The following MGAM2 variants were observed in gnomAD, a reference collection of about 807,000 sequenced individuals.
MGAM2 encodes the protein maltase-glucoamylase 2 (putative), also known as probable maltase-glucoamylase 2.
In MGAM2, 98 loss-of-function variants were observed where a neutral mutation model predicts 96.1. That is an observed-to-expected ratio of 1.02 (90% CI 0.87 to 1.21). The LOEUF is 1.21. Among genes scored for constraint, MGAM2 ranks in the 50% most tolerant of loss-of-function variants. The pLI is 0.00. For missense variants in MGAM2, 2,055 were observed against 1,182.4 expected (o/e 1.74, Z -10.82); for synonymous variants, 749 against 414.8 (o/e 1.81, Z -9.79).
chr7:142,145,002 A>C (rs1232071555), intron 14 of MGAM2, 57 bp downstream of exon 14: 5 of 696,240 alleles, frequency 7.2e-6, no homozygotes, highest in African/African-American at 7.0e-5. Flanking sequence ...AAACACCCTC[A>C]GTAATACTCA....
At position 142,114,133 on chromosome 7, in the gene MGAM2, AAAAAGAAAGAAAGAAAGAAG is replaced by A. The variant is rs1333161455; in HGVS notation, c.-1+2327_-1+2346del. Among the ~76,000 whole-genome samples, 30 of 131,450 alleles carry A rather than the reference AAAAAGAAAGAAAGAAAGAAG, an allele frequency of 2.3e-4. 1 individual carries two copies. Among genetic ancestry groups the A allele is most frequent in the Admixed American group, 1.1e-3 (13 of 12,222 alleles). 86.2% of individuals were successfully genotyped at this position (131,450 alleles called of 152,430 possible). ...GCAACAGAGCGAGACTCCATCTCAA[AAAAAGAAAGAAAGAAAGAAG>A]GAAAGAAAGAAAGAAAGAAAGAAAG... On this transcript the variant is annotated intron_variant, in intron 1 of 47. Coordinates refer to ENST00000477922, the MANE Select transcript of MGAM2 (RefSeq NM_001293626.2).
At chr7:142,156,978 G>A (rs1445165683) in intron 17 of MGAM2, among the ~76,000 whole-genome samples, 1 of 151,916 alleles carries the variant, frequency 6.6e-6, no homozygotes, top group East Asian at 1.9e-4. Flanking sequence ...TTTTACTCTT[G>A]GATAAAATCT....
rs751343462 is a variant in MGAM2 at position 142,196,662 on chromosome 7, A to G, written c.4516-38A>G. The G allele has an allele frequency of 3.9e-6, 3 of 764,132 alleles. No individual in the cohort carries two copies. In the African/African-American group the frequency reaches 5.1e-5, roughly 13 times the overall value. 47.3% of individuals were successfully genotyped at this position (764,132 alleles called of 1,614,324 possible). ...GATTTTAGTGAGTCAGCGCCTCATGAAATTCCCACCTCATGCTCTCATTAT... is the reference window on the plus strand; with the variant it reads ...GATTTTAGTGAGTCAGCGCCTCATGGAATTCCCACCTCATGCTCTCATTAT... On this transcript the variant is annotated intron_variant, in intron 39 of 47. Coordinates refer to ENST00000477922, the MANE Select transcript of MGAM2 (RefSeq NM_001293626.2).
intron 37 of MGAM2, 97 bp from the exon 38 acceptor site, chr7:142,196,057 G>C (rs1013957435): frequency 1.6e-5 from 11 of 695,594 alleles, no homozygotes; most frequent in Non-Finnish European, 2.9e-5. Context: ...ATCTGACTCG[G>C]ACCGAAGTAC....
chr7:142,179,742 T>G (rs1477654112), intron 32 of MGAM2, among the ~76,000 whole-genome samples: 2 of 152,194 alleles, frequency 1.3e-5, no homozygotes, highest in Non-Finnish European at 2.9e-5. Context: ...AACTTTTTGA[T>G]GTGCTCCTGG....
chr7:142,198,314 T>C lies in MGAM2; in HGVS notation c.4923+119T>C. ...GCAATAATTTTGACCTTTTTAGCCTTGGCAAGGCTTGTTTAAATGAAAGCA... is the reference window on the plus strand; with the variant it reads ...GCAATAATTTTGACCTTTTTAGCCTCGGCAAGGCTTGTTTAAATGAAAGCA... On this transcript the variant is annotated intron_variant, in intron 43 of 47. Coordinates refer to ENST00000477922, the MANE Select transcript of MGAM2 (RefSeq NM_001293626.2). 2 of 623,080 alleles carry C rather than the reference T, an allele frequency of 3.2e-6. 1 individual carries two copies. The highest frequency in any genetic ancestry group is 5.5e-5 in the East Asian group (2 of 36,238). The allele number at this position is 623,080 out of a possible 1,614,324, so 38.6% of individuals were successfully genotyped here.
chr7:142,178,695 G>A (rs781061956), intron 32 of MGAM2, among the ~76,000 whole-genome samples: 4 of 152,012 alleles, frequency 2.6e-5, no homozygotes, highest in Non-Finnish European at 5.9e-5. Flanking sequence ...TTGAGGTTGG[G>A]TAATGTGATA....
intron 12 of MGAM2, among the ~76,000 whole-genome samples, chr7:142,142,989 G>A (rs1202254427): frequency 3.3e-5 from 5 of 152,136 alleles, no homozygotes; most frequent in African/African-American, 4.8e-5. Flanking sequence ...GATGCCCATC[G>A]CCTAAAACAA....
intron 19 of MGAM2, among the ~76,000 whole-genome samples, 199 bp downstream of exon 19, chr7:142,158,531 GT>G (rs1385969914): frequency 3.3e-5 from 5 of 152,160 alleles, no homozygotes; most frequent in African/African-American, 1.2e-4. Flanking sequence ...CAATTTTCAT[GT>G]TGTAAAATTG....
Position 142,171,984 on chromosome 7 carries a change from AG to A in MGAM2, c.3352-112del, listed in dbSNP as rs1195690088. On this transcript the variant is annotated intron_variant, in intron 28 of 47. Transcript: ENST00000477922. ...GGGAGAGTCAATGAAGGCCCAACAA[AG>A]GACATGACATTGAGCTGAATCTTTA... is the stretch of plus-strand genomic sequence containing the variant. 2.3e-5 allele frequency: 10 copies of A among 437,968 alleles called. No homozygotes were observed. In the Admixed American group the frequency reaches 3.0e-4, roughly 13 times the overall value. 27.1% of individuals were successfully genotyped at this position (437,968 alleles called of 1,614,324 possible).
chr7:142,185,381 T>A (rs1796663209), intron 34 of MGAM2, among the ~76,000 whole-genome samples: 1 of 152,318 alleles, frequency 6.6e-6, no homozygotes, highest in Admixed American at 6.5e-5. Context: ...TTTAATGGGC[T>A]GTGATTTGTT....
At chr7:142,183,406 A>G in intron 33 of MGAM2, 33 bp downstream of exon 33, 1 of 697,956 alleles carries the variant, frequency 1.4e-6, no homozygotes, top group Non-Finnish European at 2.6e-6. Context: ...ACAGTTAATT[A>G]ACATTACAAT....
intron 33 of MGAM2, among the ~76,000 whole-genome samples, chr7:142,183,662 T>G (rs1284667108): frequency 6.6e-6 from 1 of 152,210 alleles, no homozygotes; most frequent in African/African-American, 2.4e-5. Context: ...AGAATGACAC[T>G]GAAATCTGTG....
chr7:142,193,245 G>T (rs1384230946), intron 37 of MGAM2, among the ~76,000 whole-genome samples: 1 of 152,092 alleles, frequency 6.6e-6, no homozygotes, highest in Non-Finnish European at 1.5e-5. Context: ...ACAATCTAAA[G>T]ACCAACTTAC....
chr7:142,163,969 C>T (rs768784251), intron 23 of MGAM2, among the ~76,000 whole-genome samples: 9 of 152,042 alleles, frequency 5.9e-5, no homozygotes, highest in Non-Finnish European at 1.2e-4. Flanking sequence ...AAGATCTCTT[C>T]GCCAAGTCCT....
At chr7:142,173,105 A>T (rs376919749) in intron 30 of MGAM2, 124 bp from the exon 31 acceptor site, 1 of 560,744 alleles carries the variant, frequency 1.8e-6, no homozygotes, top group Non-Finnish European at 3.2e-6. Flanking sequence ...GGACTTTCTT[A>T]TCTTTCTTGG....
At chr7:142,185,259 TC>T (rs923250036) in intron 34 of MGAM2, 120 bp downstream of exon 34, 20 of 567,562 alleles carry the variant, frequency 3.5e-5, no homozygotes, top group African/African-American at 3.2e-4. Context: ...AGGGTGCTTA[TC>T]CACTGTTAGT....
chr7:142,158,344 A>C lies in MGAM2; in HGVS notation c.2163+12A>C. On this transcript the variant is annotated intron_variant, in intron 19 of 47. Coordinates refer to ENST00000477922, the MANE Select transcript of MGAM2 (RefSeq NM_001293626.2). ...CTGTTTTATATGAAGTATGTTTATC[A>C]TCTAAACAATGAAAGGGGGTATTGC... The C allele has an allele frequency of 1.4e-6, 1 of 702,936 alleles. No homozygotes were observed. The highest frequency in any genetic ancestry group is 1.5e-5 in the South Asian group (1 of 67,594). 43.5% of individuals were successfully genotyped at this position (702,936 alleles called of 1,614,324 possible).
chr7:142,218,231 T>A (rs917313643), intron 46 of MGAM2, 130 bp from the exon 47 acceptor site: 1 of 480,792 alleles, frequency 2.1e-6, no homozygotes, highest in Admixed American at 3.8e-5. Context: ...TCAATAAAAA[T>A]TTAAATACAT....
Sources: allele counts gnomAD v4.1 joint callset (sites outside exome capture counted in the v4.1 genomes callset), GRCh38; gene constraint gnomAD v4.1.1; transcripts MANE v1.5; gene names NCBI Gene and HGNC (gene_info 2026-07-23, HGNC 2026-07-21).